Variants in ZNF385D observed in about 807,000 individuals in gnomAD.
The protein encoded by ZNF385D is zinc finger protein 385D.
A neutral mutation model predicts 35.8 loss-of-function variants in ZNF385D; 15 were observed. That is an observed-to-expected ratio of 0.42 (90% confidence interval 0.28 to 0.64). ZNF385D has a LOEUF of 0.64. ZNF385D is among the 30% of genes least tolerant of loss of function. ZNF385D has a pLI of 0.23. For synonymous variants in ZNF385D, 212 were observed against 186.8 expected (o/e 1.13, Z -1.10); for missense variants, 474 against 494.6 (o/e 0.96, Z 0.39).
chr3:21,670,660 C>G lies in ZNF385D; in HGVS notation c.23-5632G>C, dbSNP rs1559505401. Among the ~76,000 whole-genome samples the G allele has an allele frequency of 4.9e-3, 39 of 8,026 alleles. 8 individuals carry two copies. The highest frequency in any genetic ancestry group is 0.017 in the South Asian group (2 of 118). The allele number at this position is 8,026 out of a possible 152,430, so 5.3% of individuals were successfully genotyped here. On this transcript the variant is annotated intron_variant, in intron 1 of 7. Coordinates refer to ENST00000281523, the MANE Select transcript of ZNF385D (RefSeq NM_024697.3). Reference sequence around the variant, plus strand: ...ATGAAATCCTAAGGCGCCCCCCCCCCCCCCCCCCCCCCCAATGACTGAACG... The same window carrying G: ...ATGAAATCCTAAGGCGCCCCCCCCCGCCCCCCCCCCCCCAATGACTGAACG...
At chr3:22,311,913 T>C (rs1703576257) in intron 2 of ZNF385D, among the ~76,000 whole-genome samples, 1 of 152,130 alleles carries the variant, frequency 6.6e-6, no homozygotes, top group Non-Finnish European at 1.5e-5. Context: ...TTTATTCTGA[T>C]GAAGAATGTT....
chr3:22,060,399 C>T (rs1443731582), intron 3 of ZNF385D, among the ~76,000 whole-genome samples: 1 of 152,156 alleles, frequency 6.6e-6, no homozygotes, highest in Non-Finnish European at 1.5e-5. Flanking sequence ...TTTCAATCAA[C>T]CATCCACACA....
At chr3:22,070,940 T>C (rs976727998) in intron 3 of ZNF385D, among the ~76,000 whole-genome samples, 2 of 152,168 alleles carry the variant, frequency 1.3e-5, no homozygotes, top group African/African-American at 2.4e-5. Flanking sequence ...ATTAACAGTA[T>C]AGGTGTTAAC....
intron 3 of ZNF385D, among the ~76,000 whole-genome samples, chr3:22,057,491 T>C (rs777760829): frequency 6.0e-5 from 9 of 150,522 alleles, no homozygotes; most frequent in Non-Finnish European, 1.2e-4. Context: ...CAAAACATTA[T>C]TTATTTATTT....
At chr3:21,601,996 G>A (rs927792317) in intron 2 of ZNF385D, among the ~76,000 whole-genome samples, 1 of 152,118 alleles carries the variant, frequency 6.6e-6, no homozygotes, top group African/African-American at 2.4e-5. Context: ...CCCGAGACTG[G>A]GTAATTTATA....
rs1320289 is a variant in ZNF385D, at chr3:21,761,420, C to A, written c.326-96392G>T. Among the ~76,000 whole-genome samples the A allele has an allele frequency of 3.3e-5, 5 of 152,246 alleles. No homozygotes were observed. The South Asian group carries it at 6.2e-4, about 19-fold the overall frequency. On this transcript the variant is annotated intron_variant, in intron 3 of 5. Coordinates refer to the ZNF385D transcript ENST00000494108. ...TAGTCTAGATTTAACAATGAAATTT[C>A]TGAAGAGTATTACTTAAAGTGATGG...
rs183369678 is a variant in ZNF385D, at chr3:22,043,559, A to G, written c.325+125258T>C. The stretch of plus-strand genomic sequence containing the variant: ...ATTGAGTAACTATTATGTCCTATAC[A>G]TTGTTCTAAAGGCTGAGGATGTACA... On this transcript the variant is annotated intron_variant, in intron 3 of 5. Transcript: ENST00000494108. 2.8e-3 allele frequency among the ~76,000 whole-genome samples: 422 copies of G among 151,912 alleles called. 1 individual carries two copies. Among genetic ancestry groups the G allele is most frequent in the Non-Finnish European group, 4.3e-3 (291 of 67,926 alleles).
chr3:21,773,750 T>C (rs2071174783), intron 3 of ZNF385D, among the ~76,000 whole-genome samples: 1 of 126,418 alleles, frequency 7.9e-6, no homozygotes, highest in Non-Finnish European at 1.9e-5. Flanking sequence ...GAATGGATAT[T>C]ATTAAAAAGT....
intron 3 of ZNF385D, among the ~76,000 whole-genome samples, chr3:21,783,566 G>A (rs925004895): frequency 2.0e-5 from 3 of 152,048 alleles, no homozygotes; most frequent in African/African-American, 7.2e-5. Context: ...CACTCTAACA[G>A]CATTGTTTAA....
upstream of ZNF385D, among the ~76,000 whole-genome samples, chr3:21,756,089 A>C (rs1315491542): frequency 1.3e-5 from 2 of 152,224 alleles, no homozygotes; most frequent in Non-Finnish European, 2.9e-5. Context: ...TGCTTCAACA[A>C]GTTCACTATG....
chr3:22,149,288 G>A (rs1705074460), intron 3 of ZNF385D, among the ~76,000 whole-genome samples: 1 of 152,098 alleles, frequency 6.6e-6, no homozygotes. Context: ...CCTGCTGATT[G>A]TAGCATTTAA....
At chr3:22,335,076 C>A (rs1695103538) in intron 2 of ZNF385D, among the ~76,000 whole-genome samples, 1 of 152,076 alleles carries the variant, frequency 6.6e-6, no homozygotes, top group African/African-American at 2.4e-5. Flanking sequence ...AAATTTCCTG[C>A]TTTCATTGAG....
At chr3:22,011,779 G>A (rs188657799) in intron 3 of ZNF385D, among the ~76,000 whole-genome samples, 1 of 152,150 alleles carries the variant, frequency 6.6e-6, no homozygotes, top group African/African-American at 2.4e-5. Flanking sequence ...TAGTGAAATT[G>A]TATCTTACCG....
At chr3:22,093,748 C>A (rs984035162) in intron 3 of ZNF385D, among the ~76,000 whole-genome samples, 4 of 152,066 alleles carry the variant, frequency 2.6e-5, no homozygotes, top group Non-Finnish European at 5.9e-5. Flanking sequence ...CATTTACAAT[C>A]ATATAATTAT....
intron 3 of ZNF385D, among the ~76,000 whole-genome samples, chr3:21,951,366 G>C (rs1420982342): frequency 6.6e-6 from 1 of 151,552 alleles, no homozygotes; most frequent in Admixed American, 6.6e-5. Flanking sequence ...TTGGTGTATA[G>C]GAATGCCTGT....
intron 2 of ZNF385D, among the ~76,000 whole-genome samples, chr3:22,224,090 G>A (rs1411955191): frequency 2.6e-5 from 4 of 152,064 alleles, no homozygotes; most frequent in Admixed American, 1.3e-4. Context: ...TAAATATTTT[G>A]AGGCAGTCAA....
intron 3 of ZNF385D, among the ~76,000 whole-genome samples, chr3:22,084,117 A>G (rs1313556974): frequency 2.6e-5 from 4 of 152,226 alleles, no homozygotes; most frequent in Non-Finnish European, 4.4e-5. Flanking sequence ...AGTACCAGCC[A>G]CTGCAAAAAC....
intron 3 of ZNF385D, among the ~76,000 whole-genome samples, chr3:22,046,659 C>T (rs1699023418): frequency 6.6e-6 from 1 of 152,086 alleles, no homozygotes; most frequent in Non-Finnish European, 1.5e-5. Context: ...CATTTAACCC[C>T]TATGAAATTT....
At position 22,344,544 on chromosome 3, in the gene ZNF385D, C is replaced by G. The variant is rs546323027; in HGVS notation, c.106+27906G>C. On this transcript the variant is annotated intron_variant, in intron 2 of 5. Transcript: ENST00000494108. Reference sequence around the variant, plus strand: ...ATCTAGGACTACAGTTGCATACCACCATGCCTGCCTCATTTTGGGGTTTTC... The same window carrying G: ...ATCTAGGACTACAGTTGCATACCACGATGCCTGCCTCATTTTGGGGTTTTC... Among the ~76,000 whole-genome samples the G allele has an allele frequency of 3.9e-4, 60 of 151,976 alleles. 1 individual carries two copies. The highest frequency in any genetic ancestry group is 3.9e-4 in the Admixed American group (6 of 15,266).
Sources: gnomAD v4.1 joint callset for allele counts (sites outside exome capture counted in the v4.1 genomes callset) on GRCh38, gnomAD v4.1.1 for gene constraint, MANE v1.5 for transcripts, NCBI Gene and HGNC (gene_info 2026-07-23, HGNC 2026-07-21) for gene names.